CNKSR3: variants seen among roughly 807,000 people sequenced by gnomAD.
CNKSR3 encodes the protein connector enhancer of kinase suppressor of ras 3.
Under a neutral mutation model 67.7 loss-of-function variants are expected in CNKSR3, and 36 were observed. The ratio of observed to expected loss-of-function variants is 0.53; its 90% CI spans 0.41 to 0.70. The LOEUF is 0.70. Among genes scored for constraint, CNKSR3 ranks in the 30% least tolerant of loss-of-function variants. CNKSR3 has a pLI of 0.00. For missense variants in CNKSR3, 630 were observed against 695.2 expected (o/e 0.91, Z 1.05); for synonymous variants, 281 against 271.4 (o/e 1.04, Z -0.35).
chr6:154,388,133 C>T lies in CNKSR3; in HGVS notation c.*18221G>A, dbSNP rs1023773935. On this transcript the variant is annotated 3_prime_UTR_variant, in exon 13 of 13. Coordinates refer to ENST00000607772, the MANE Select transcript of CNKSR3 (RefSeq NM_173515.4). ...AAATCTCTAGAGCTTATTCACCTGA[C>T]TTCACTGAAACTTTATGCCTATTGA... 1 of 152,110 alleles carries T rather than the reference C, an allele frequency of 6.6e-6. No homozygotes were observed. The highest frequency in any genetic ancestry group is 2.4e-5 in the African/African-American group (1 of 41,418). The allele number at this position is 152,110 out of a possible 1,614,324, so 9.4% of individuals were successfully genotyped here. A position where few individuals can be genotyped will look rare whatever the true frequency, so the allele number is the denominator to read the frequency against.
At chr6:154,407,744 A>T (rs1784826215) in intron 12 of CNKSR3, among the ~76,000 whole-genome samples, 1 of 151,878 alleles carries the variant, frequency 6.6e-6, no homozygotes, top group East Asian at 1.9e-4. Flanking sequence ...GAGCCACCAC[A>T]CCTAGCCTAC....
At chr6:154,423,607 A>G (rs1785192584) in intron 7 of CNKSR3, among the ~76,000 whole-genome samples, 1 of 152,152 alleles carries the variant, frequency 6.6e-6, no homozygotes, top group Non-Finnish European at 1.5e-5. Flanking sequence ...GGTTCATCTA[A>G]AAAAATTCTT....
chr6:154,487,831 G>A (rs1786705462), intron 1 of CNKSR3, among the ~76,000 whole-genome samples: 1 of 152,096 alleles, frequency 6.6e-6, no homozygotes, highest in African/African-American at 2.4e-5. Flanking sequence ...CTTCTTCCCT[G>A]TCAAATATTT....
chr6:154,486,447 C>T (rs931373823), intron 1 of CNKSR3, among the ~76,000 whole-genome samples: 10 of 151,418 alleles, frequency 6.6e-5, no homozygotes, highest in African/African-American at 2.4e-4. Context: ...CAGGCACGGG[C>T]CACCACGCCC....
At chr6:154,445,232 A>G (rs988774258) in intron 2 of CNKSR3, among the ~76,000 whole-genome samples, 4 of 152,176 alleles carry the variant, frequency 2.6e-5, no homozygotes, top group Admixed American at 6.5e-5. Context: ...AAAAAAACTG[A>G]ATTTCAAAAT....
intron 9 of CNKSR3, among the ~76,000 whole-genome samples, chr6:154,415,208 G>A (rs139278236): frequency 3.7e-4 from 51 of 138,022 alleles, no homozygotes; most frequent in African/African-American, 1.3e-3. Context: ...TGTGATCCTG[G>A]CTAGACTTAC....
At chr6:154,489,545 A>G (rs1786742517) in intron 1 of CNKSR3, among the ~76,000 whole-genome samples, 1 of 152,026 alleles carries the variant, frequency 6.6e-6, no homozygotes, top group Non-Finnish European at 1.5e-5. Context: ...CAAACAAACA[A>G]ACAAACAAAC....
intron 1 of CNKSR3, among the ~76,000 whole-genome samples, chr6:154,496,544 G>A (rs1786882505): frequency 6.6e-6 from 1 of 152,312 alleles, no homozygotes; most frequent in Middle Eastern, 3.4e-3. Flanking sequence ...GATAACCAAT[G>A]TGGGCATTTT....
At chr6:154,420,233 A>AG in intron 9 of CNKSR3, among the ~76,000 whole-genome samples, 1 of 152,214 alleles carries the variant, frequency 6.6e-6, no homozygotes, top group East Asian at 1.9e-4. Context: ...TCTAAAAAAA[A>AG]AAAAAAAAAT....
At chr6:154,488,591 G>A (rs1016749789) in intron 1 of CNKSR3, among the ~76,000 whole-genome samples, 12 of 152,126 alleles carry the variant, frequency 7.9e-5, no homozygotes, top group African/African-American at 2.7e-4. Context: ...TCTAGGGATG[G>A]ATCTTTTTAA....
intron 9 of CNKSR3, among the ~76,000 whole-genome samples, chr6:154,416,976 C>T (rs1383749667): frequency 1.3e-5 from 2 of 152,208 alleles, no homozygotes; most frequent in Non-Finnish European, 2.9e-5. Context: ...CGCAGTGTCT[C>T]TTCTTAAGTG....
intron 1 of CNKSR3, among the ~76,000 whole-genome samples, chr6:154,474,942 G>A (rs1323380407): frequency 2.6e-5 from 4 of 152,206 alleles, no homozygotes; most frequent in Admixed American, 2.6e-4. Flanking sequence ...GGCCTCAGGA[G>A]GCTCCAGACC....
chr6:154,445,182 A>C (rs776938451), intron 2 of CNKSR3, among the ~76,000 whole-genome samples: 14 of 152,186 alleles, frequency 9.2e-5, no homozygotes, highest in Non-Finnish European at 1.0e-4. Context: ...ATTTTGAAAG[A>C]AGCAAAAATT....
rs545548655 is a variant in CNKSR3, at chr6:154,403,017, C to A, written c.*3337G>T. The A allele has an allele frequency of 6.6e-6, 1 of 152,138 alleles. No homozygotes were observed. The highest frequency in any genetic ancestry group is 2.1e-4 in the South Asian group (1 of 4,822). The allele number at this position is 152,138 out of a possible 1,614,324, so 9.4% of individuals were successfully genotyped here. On this transcript the variant is annotated 3_prime_UTR_variant, in exon 13 of 13. Transcript: ENST00000607772. Reference sequence around the variant, plus strand: ...TATGTTTTAGAGGCTAGTTATATTACCTGCTAGTTTCATTTCAGAATAGTA... The same window carrying A: ...TATGTTTTAGAGGCTAGTTATATTAACTGCTAGTTTCATTTCAGAATAGTA...
At chr6:154,462,163 C>A (rs1290238540) in intron 1 of CNKSR3, among the ~76,000 whole-genome samples, 1 of 152,114 alleles carries the variant, frequency 6.6e-6, no homozygotes, top group African/African-American at 2.4e-5. Flanking sequence ...GCTGTGCAAC[C>A]CTAACCACAA....
chr6:154,460,387 T>C (rs1212902333), intron 1 of CNKSR3, among the ~76,000 whole-genome samples: 2 of 152,208 alleles, frequency 1.3e-5, no homozygotes, highest in African/African-American at 4.8e-5. Context: ...TGAAGGTGTG[T>C]GTGCGTGCAT....
intron 1 of CNKSR3, among the ~76,000 whole-genome samples, chr6:154,493,614 C>A (rs1786822755): frequency 6.6e-6 from 1 of 152,186 alleles, no homozygotes; most frequent in African/African-American, 2.4e-5. Flanking sequence ...TTATAAAAAA[C>A]TACCTGAGAC....
intron 1 of CNKSR3, among the ~76,000 whole-genome samples, chr6:154,473,019 A>G (rs1786365173): frequency 6.6e-6 from 1 of 152,178 alleles, no homozygotes; most frequent in Admixed American, 6.5e-5. Context: ...AGGAAGGAAG[A>G]AGGCAAAGAA....
At chr6:154,452,547 C>T (rs4870287) in intron 1 of CNKSR3, among the ~76,000 whole-genome samples, 106,885 of 152,040 alleles carry the variant, frequency 0.7, 37,922 homozygotes, top group East Asian at 0.9. Flanking sequence ...TCTTCCCTAG[C>T]CTACTTTTAA....
Sources: allele counts gnomAD v4.1 joint callset (sites outside exome capture counted in the v4.1 genomes callset), GRCh38; gene constraint gnomAD v4.1.1; transcripts MANE v1.5; gene names NCBI Gene and HGNC (gene_info 2026-07-23, HGNC 2026-07-21).